CSNK1A1: variants seen among roughly 807,000 people sequenced by gnomAD.
CSNK1A1 encodes casein kinase 1 alpha 1.
Under a neutral mutation model 46.1 loss-of-function variants are expected in CSNK1A1, and 7 were observed. The ratio of observed to expected loss-of-function variants is 0.15; its 90% CI spans 0.09 to 0.29. The LOEUF (loss-of-function observed/expected upper bound fraction) is 0.29, where lower values mean the gene tolerates loss of function less well. Ranked by LOEUF, CSNK1A1 falls within the 10% of genes least tolerant of loss-of-function variation. The probability of loss-of-function intolerance (pLI) is 1.00; values close to 1 mark genes in which losing one functional copy is unlikely to be tolerated. For synonymous variants in CSNK1A1, 137 were observed against 141.5 expected, an observed-to-expected ratio of 0.97 and a Z score of 0.23; for missense variants, 96 against 417.1, an observed-to-expected ratio of 0.23 and a Z score of 6.71.
At chr5:149,511,944 C>T (rs1249535431) in intron 5 of CSNK1A1, 72 bp from the exon 6 acceptor site, 4 of 1,174,136 alleles carry the variant, frequency 3.4e-6, no homozygotes, top group Non-Finnish European at 5.0e-6. Flanking sequence ...AAGTCAAGTA[C>T]CCAGAAGAAA....
intron 2 of CSNK1A1, among the ~76,000 whole-genome samples, chr5:149,531,942 G>A (rs1400108417): frequency 6.6e-6 from 1 of 151,980 alleles, no homozygotes; most frequent in Non-Finnish European, 1.5e-5. Context: ...GGAGTGCAAT[G>A]GTGTGATCTT....
In CSNK1A1 at chr5:149,493,294, C is replaced by T. The variant is rs1374422081; in HGVS notation, c.*3559G>A. On this transcript the variant is annotated 3_prime_UTR_variant, in exon 10 of 10. Coordinates refer to ENST00000377843, the MANE Select transcript of CSNK1A1 (RefSeq NM_001892.6). ...CTATGTTGGCCAGGCTGGTCTTGAA[C>T]TCCTGCCCACTTCGGCCTCCCAAAG... 1 of 151,568 alleles carries T rather than the reference C, an allele frequency of 6.6e-6. No individual in the cohort carries two copies. The highest frequency in any genetic ancestry group is 1.5e-5 in the Non-Finnish European group (1 of 67,970). 9.4% of individuals were successfully genotyped at this position (151,568 alleles called of 1,614,324 possible).
chr5:149,501,637 G>C (rs1300155252), intron 9 of CSNK1A1: 1 of 985,116 alleles, frequency 1.0e-6, no homozygotes, highest in Non-Finnish European at 1.2e-6. Flanking sequence ...GGTTAGGGTA[G>C]TAAACAGATG....
Position 149,496,736 on chromosome 5 carries a change from TA to T in CSNK1A1, c.*116del. The T allele has an allele frequency of 7.1e-7, 1 of 1,399,612 alleles. No individual in the cohort carries two copies. The highest frequency in any genetic ancestry group is 9.6e-7 in the Non-Finnish European group (1 of 1,043,014). 86.7% of individuals were successfully genotyped at this position (1,399,612 alleles called of 1,614,324 possible). On this transcript the variant is annotated 3_prime_UTR_variant, in exon 10 of 10. Transcript: ENST00000377843. ...CTGAAATTAAGTTCTTTACACCAAG[TA>T]AATGGTTGTCCACAACCACTGGCTA...
rs535082552 is a variant in CSNK1A1 at position 149,520,392 on chromosome 5, G to C, written c.358-4C>G. ...CATATTCAATTCTACTGATCATCTG[G>C]AAAAAAAAGAAGGGAGAGATAATTG... On this transcript the variant is annotated splice_polypyrimidine_tract_variant and splice_region_variant and intron_variant, in intron 3 of 9. Coordinates refer to ENST00000377843, the MANE Select transcript of CSNK1A1 (RefSeq NM_001892.6). 3.3e-6 allele frequency: 5 copies of C among 1,512,756 alleles called. No individual in the cohort carries two copies. Among genetic ancestry groups the C allele is most frequent in the Admixed American group, 1.8e-5 (1 of 55,916 alleles). 93.7% of individuals were successfully genotyped at this position (1,512,756 alleles called of 1,614,324 possible). A position where few individuals can be genotyped will look rare whatever the true frequency, so the allele number is the denominator to read the frequency against.
intron 2 of CSNK1A1, among the ~76,000 whole-genome samples, chr5:149,532,685 T>C (rs1218864863): frequency 6.6e-6 from 1 of 152,124 alleles, no homozygotes; most frequent in African/African-American, 2.4e-5. Context: ...CAAAACTCCA[T>C]CTACCCCCCA....
At chr5:149,504,862 T>C in intron 9 of CSNK1A1, 1 of 985,466 alleles carries the variant, frequency 1.0e-6, no homozygotes, top group Non-Finnish European at 1.2e-6. Flanking sequence ...GAGCTTTGCA[T>C]TTATTTGAGC....
chr5:149,531,680 T>C, intron 2 of CSNK1A1, among the ~76,000 whole-genome samples: 1 of 139,678 alleles, frequency 7.2e-6, no homozygotes. Flanking sequence ...AAACCCTGTC[T>C]CTACTAAAAA....
intron 9 of CSNK1A1, chr5:149,501,446 A>G (rs1249966651): frequency 1.1e-5 from 11 of 985,356 alleles, no homozygotes; most frequent in Non-Finnish European, 1.2e-6. Flanking sequence ...TGGTGAACTC[A>G]GAAAAAGTCA....
chr5:149,523,767 AG>A (rs1289943211), intron 3 of CSNK1A1, among the ~76,000 whole-genome samples: 1 of 152,242 alleles, frequency 6.6e-6, no homozygotes, highest in African/African-American at 2.4e-5. Context: ...TTATCAAATC[AG>A]GGTAGTTGGG....
chr5:149,525,087 T>C lies in CSNK1A1; in HGVS notation c.315A>G (p.Ser105=). 2 of 1,613,416 alleles carry C rather than the reference T, an allele frequency of 1.2e-6. No individual in the cohort carries two copies. The highest frequency in any genetic ancestry group is 1.7e-6 in the Non-Finnish European group (2 of 1,179,666). ...PSLEDLFNFC[S]RRFTMKTVLM... ...GTACAGTTTTCATTGTGAACCTTCT[T>C]GAACAGAAATTGAAGAGGTCTTCGA... The change falls in exon 3 of 10, where the codon TCA becomes TCG. Residue 105 remains serine, a synonymous_variant. Coordinates refer to ENST00000377843, the MANE Select transcript of CSNK1A1 (RefSeq NM_001892.6). The surrounding 1 kb of genome is among the most constrained non-coding windows in gnomAD (Gnocchi z 4.2).
intron 2 of CSNK1A1, among the ~76,000 whole-genome samples, chr5:149,548,989 C>T (rs1004983231): frequency 5.3e-5 from 8 of 152,190 alleles, no homozygotes; most frequent in Non-Finnish European, 1.0e-4. Flanking sequence ...TGAAGAGGAT[C>T]TTTAATCCCA....
chr5:149,528,489 C>G (rs1291014912), intron 2 of CSNK1A1, among the ~76,000 whole-genome samples: 1 of 152,202 alleles, frequency 6.6e-6, no homozygotes, highest in South Asian at 2.1e-4. Context: ...TCTGGACTAA[C>G]TCATTCAGAC....
At chr5:149,537,887 G>A (rs1184262559) in intron 2 of CSNK1A1, among the ~76,000 whole-genome samples, 1 of 151,142 alleles carries the variant, frequency 6.6e-6, no homozygotes, top group African/African-American at 2.4e-5. Flanking sequence ...CACATAGTTT[G>A]AGATTTAGAC....
intron 9 of CSNK1A1, among the ~76,000 whole-genome samples, chr5:149,499,951 T>A: frequency 1.2e-5 from 1 of 85,116 alleles, no homozygotes; most frequent in South Asian, 5.6e-4. Flanking sequence ...GGTTGTGGGG[T>A]TTTTTTTCTT....
intron 2 of CSNK1A1, among the ~76,000 whole-genome samples, chr5:149,531,613 T>C (rs932638652): frequency 2.5e-4 from 38 of 150,412 alleles, no homozygotes; most frequent in African/African-American, 8.3e-4. Flanking sequence ...TTTGGGAGGC[T>C]GAGGTGGGTG....
In CSNK1A1 at chr5:149,550,438, A is replaced by AG. The variant is rs1762621731; in HGVS notation, c.124-258dup. 2 of 1,053,000 alleles carry AG rather than the reference A, an allele frequency of 1.9e-6. No homozygotes were observed. Among genetic ancestry groups the AG allele is most frequent in the African/African-American group, 1.6e-5 (1 of 60,956 alleles). The allele number at this position is 1,053,000 out of a possible 1,614,324, so 65.2% of individuals were successfully genotyped here. ...GAAAAAAGAGGCAACCTCTGAACGT[A>AG]GTGAGAGGTTTTTAAGGAACTAGGC... On this transcript the variant is annotated intron_variant, in intron 1 of 9. Coordinates refer to ENST00000377843, the MANE Select transcript of CSNK1A1 (RefSeq NM_001892.6). The surrounding 1 kb of genome is among the most constrained non-coding windows in gnomAD (Gnocchi z 4.3).
rs1241646312 is a variant in CSNK1A1, at chr5:149,551,106, G to A, written c.-142C>T. On this transcript the variant is annotated 5_prime_UTR_variant, in exon 1 of 10. Coordinates refer to ENST00000377843, the MANE Select transcript of CSNK1A1 (RefSeq NM_001892.6). ...ACGGAGGCCTTTACCGGGGTTCGGG[G>A]CCCAGAATCAGCAGAGGGGAACCTG... The A allele has an allele frequency of 2.3e-6, 2 of 864,994 alleles. No homozygotes were observed. Among genetic ancestry groups the A allele is most frequent in the Non-Finnish European group, 3.6e-6 (2 of 560,568 alleles). The allele number at this position is 864,994 out of a possible 1,614,324, so 53.6% of individuals were successfully genotyped here. A position where few individuals can be genotyped will look rare whatever the true frequency, so the allele number is the denominator to read the frequency against.
chr5:149,540,511 T>C (rs1214627166), intron 2 of CSNK1A1, among the ~76,000 whole-genome samples: 1 of 152,092 alleles, frequency 6.6e-6, no homozygotes, highest in African/African-American at 2.4e-5. Context: ...TCTGATAATT[T>C]TGTCAGATAA....
Sources: allele counts gnomAD v4.1 joint callset (sites outside exome capture counted in the v4.1 genomes callset), GRCh38; gene constraint gnomAD v4.1.1; non-coding constraint Gnocchi (gnomAD v3.1); transcripts MANE v1.5; gene names NCBI Gene and HGNC (gene_info 2026-07-23, HGNC 2026-07-21).